ANKMY2: variants seen among roughly 807,000 people sequenced by gnomAD.
ANKMY2 encodes ankyrin repeat and MYND domain-containing protein 2.
Under a neutral mutation model 50.4 loss-of-function variants are expected in ANKMY2, and 36 were observed. The observed-to-expected ratio is 0.71, with a 90% CI of 0.55 to 0.94. The LOEUF is 0.94. Among genes scored for constraint, ANKMY2 ranks in the 40% least tolerant of loss-of-function variants. The pLI, the probability that ANKMY2 is intolerant of heterozygous loss-of-function variation, is 0.00. For missense variants in ANKMY2, 565 were observed against 524.0 expected (o/e 1.08, Z -0.76); for synonymous variants, 187 against 178.8 (o/e 1.05, Z -0.36).
chr7:16,602,568 C>A, intron 8 of ANKMY2, 59 bp from the exon 9 acceptor site: 1 of 1,565,862 alleles, frequency 6.4e-7, no homozygotes, highest in Admixed American at 1.9e-5. Flanking sequence ...GATTTCCTAA[C>A]TATGACTAAA....
intron 2 of ANKMY2, 69 bp downstream of exon 2, chr7:16,636,322 A>G: frequency 1.1e-6 from 1 of 898,638 alleles, no homozygotes; most frequent in South Asian, 1.9e-5. Context: ...AAAAAAAAAA[A>G]AAAAAAAAAG....
chr7:16,601,863 T>C (rs942773506), intron 9 of ANKMY2, among the ~76,000 whole-genome samples: 9 of 152,036 alleles, frequency 5.9e-5, no homozygotes, highest in African/African-American at 2.2e-4. Flanking sequence ...GAAAAAAAAA[T>C]ACAAAATTCA....
Position 16,610,599 on chromosome 7 carries a change from G to A in ANKMY2, c.696C>T (p.Cys232=), listed in dbSNP as rs1650679348. The change falls in exon 6 of 10, where the codon TGC becomes TGT. Residue 232 remains cysteine, a synonymous_variant. Transcript: ENST00000306999. The stretch of plus-strand genomic sequence containing the variant: ...TCTCTCCATCTTTTAAGAAGTTAAT[G>A]CATTTCTGAAAGATACAGCTTATGT... ...MHYISCIFQK[C]INFLKDGENK... 6.2e-7 allele frequency: 1 copy of A among 1,613,858 alleles called. No individual in the cohort carries two copies. Among genetic ancestry groups the A allele is most frequent in the Non-Finnish European group, 8.5e-7 (1 of 1,179,858 alleles).
At chr7:16,609,868 T>A in intron 6 of ANKMY2, 103 bp from the exon 7 acceptor site, 1 of 1,340,486 alleles carries the variant, frequency 7.5e-7, no homozygotes, top group Non-Finnish European at 1.0e-6. Flanking sequence ...CTTATGATTT[T>A]CTTTGTCTCT....
chr7:16,645,721 C>T lies in ANKMY2; in HGVS notation c.-148G>A, dbSNP rs1008217019. On this transcript the variant is annotated 5_prime_UTR_variant, in exon 1 of 10. Transcript: ENST00000306999. Reference sequence around the variant, plus strand: ...CGCGGAAACGCTTCGCTTCTCTCCTCCCTCCCGCGGGCTGGCGGACAGCGG... The same window carrying T: ...CGCGGAAACGCTTCGCTTCTCTCCTTCCTCCCGCGGGCTGGCGGACAGCGG... 3 of 868,660 alleles carry T rather than the reference C, an allele frequency of 3.5e-6. No individual in the cohort carries two copies. The highest frequency in any genetic ancestry group is 3.2e-5 in the East Asian group (1 of 31,650). 53.8% of individuals were successfully genotyped at this position (868,660 alleles called of 1,614,324 possible).
chr7:16,629,388 T>C (rs1781547509), intron 2 of ANKMY2, among the ~76,000 whole-genome samples: 1 of 152,074 alleles, frequency 6.6e-6, no homozygotes, highest in African/African-American at 2.4e-5. Flanking sequence ...ATACAAAAAT[T>C]AGCTGGGCTT....
intron 1 of ANKMY2, 81 bp from the exon 2 acceptor site, chr7:16,636,536 T>C: frequency 9.0e-7 from 1 of 1,111,008 alleles, no homozygotes; most frequent in Non-Finnish European, 1.3e-6. Flanking sequence ...AAATAAACCT[T>C]AAGGAGTTAT....
chr7:16,610,836 G>T, intron 5 of ANKMY2, 73 bp from the exon 6 acceptor site: 1 of 1,327,116 alleles, frequency 7.5e-7, no homozygotes. Context: ...AGTCCATTTA[G>T]TTGATTTCAA....
chr7:16,641,883 TG>T (rs1043118630), intron 1 of ANKMY2, among the ~76,000 whole-genome samples: 1 of 152,180 alleles, frequency 6.6e-6, no homozygotes, highest in African/African-American at 2.4e-5. Flanking sequence ...TGTTAGTGGT[TG>T]CCTGCAGATG....
At chr7:16,605,796 C>T (rs1214845517) in intron 7 of ANKMY2, among the ~76,000 whole-genome samples, 1 of 151,050 alleles carries the variant, frequency 6.6e-6, no homozygotes, top group Admixed American at 6.6e-5. Context: ...CATTCTCCTG[C>T]CTCAGCCTCC....
At chr7:16,628,689 G>T (rs1781538897) in intron 2 of ANKMY2, among the ~76,000 whole-genome samples, 1 of 152,106 alleles carries the variant, frequency 6.6e-6, no homozygotes, top group African/African-American at 2.4e-5. Context: ...CCTGAGGGGT[G>T]GTAGGGGAAG....
At position 16,599,933 on chromosome 7, in the gene ANKMY2, T is replaced by A. The variant is rs919310244; in HGVS notation, c.*828A>T. The A allele has an allele frequency of 1.2e-4, 18 of 152,348 alleles. No individual in the cohort carries two copies. The highest frequency in any genetic ancestry group is 4.3e-4 in the African/African-American group (18 of 41,590). 9.4% of individuals were successfully genotyped at this position (152,348 alleles called of 1,614,324 possible). A position where few individuals can be genotyped will look rare whatever the true frequency, so the allele number is the denominator to read the frequency against. Reference sequence around the variant, plus strand: ...TCTAAATGAGTTACAAATCAGTTTCTGGAAAGGAAGTGCTCCATGAAAAGC... The same window carrying A: ...TCTAAATGAGTTACAAATCAGTTTCAGGAAAGGAAGTGCTCCATGAAAAGC... On this transcript the variant is annotated 3_prime_UTR_variant, in exon 10 of 10. Transcript: ENST00000306999.
intron 3 of ANKMY2, among the ~76,000 whole-genome samples, chr7:16,626,173 G>T: frequency 6.6e-6 from 1 of 151,906 alleles, no homozygotes; most frequent in East Asian, 1.9e-4. Flanking sequence ...TAGAGACGGG[G>T]TCTCATGGTG....
chr7:16,618,237 G>A (rs765247591), intron 4 of ANKMY2, among the ~76,000 whole-genome samples: 3 of 152,058 alleles, frequency 2.0e-5, no homozygotes, highest in Non-Finnish European at 4.4e-5. Context: ...AAGCTGCAGT[G>A]AGTTTTGATC....
At position 16,602,376 on chromosome 7, in the gene ANKMY2, A is replaced by C; in HGVS notation, c.1141+4T>G. ...CAGAGTGAACTCGGTTTTTATATAC[A>C]TACGGTTTTCCTCTTGTCTCTTTTC... On this transcript the variant is annotated splice_donor_region_variant and intron_variant, in intron 9 of 9. Coordinates refer to ENST00000306999, the MANE Select transcript of ANKMY2 (RefSeq NM_020319.3). The C allele has an allele frequency of 6.2e-7, 1 of 1,612,038 alleles. No individual in the cohort carries two copies. Among genetic ancestry groups the C allele is most frequent in the South Asian group, 1.1e-5 (1 of 90,658 alleles).
intron 8 of ANKMY2, among the ~76,000 whole-genome samples, chr7:16,603,847 G>T (rs1781112494): frequency 6.6e-6 from 1 of 152,216 alleles, no homozygotes; most frequent in Non-Finnish European, 1.5e-5. Flanking sequence ...AAGGATGAGA[G>T]TCACATGGAG....
rs1269717399 is a variant in ANKMY2, at chr7:16,610,758, C to T, written c.537G>A (p.Val179=). The T allele has an allele frequency of 6.2e-7, 1 of 1,613,530 alleles. No homozygotes were observed. Among genetic ancestry groups the T allele is most frequent in the East Asian group, 2.2e-5 (1 of 44,832 alleles). The change falls in exon 6 of 10, where the codon GTG becomes GTA. Residue 179 remains valine (V), a synonymous_variant. Coordinates refer to ENST00000306999, the MANE Select transcript of ANKMY2 (RefSeq NM_020319.3). The part of the protein sequence containing the change: ...TTTNLHPVKI[V]MLVNENPLLT... ...GCAGAGGATTCTCATTTACAAGCAT[C>T]ACGATCTAGAGGAAATCCCAGTGTA...
intron 3 of ANKMY2, among the ~76,000 whole-genome samples, chr7:16,625,903 C>T (rs1781499854): frequency 6.6e-6 from 1 of 151,716 alleles, no homozygotes; most frequent in South Asian, 2.1e-4. Context: ...TTTTGATCAG[C>T]CAGTGGTATT....
chr7:16,610,905 T>A (rs768407061), intron 5 of ANKMY2, 142 bp from the exon 6 acceptor site: 25 of 716,218 alleles, frequency 3.5e-5, no homozygotes, highest in Non-Finnish European at 4.7e-5. Flanking sequence ...TTTGTTAGAA[T>A]GCAAATTACC....
Sources: gnomAD v4.1 joint callset for allele counts (sites outside exome capture counted in the v4.1 genomes callset) on GRCh38, gnomAD v4.1.1 for gene constraint, MANE v1.5 for transcripts, NCBI Gene and HGNC (gene_info 2026-07-23, HGNC 2026-07-21) for gene names.